The following NF1 variants were observed in gnomAD, a reference collection of about 807,000 sequenced individuals.
NF1 encodes the protein neurofibromin.
NF1 carries 122 observed loss-of-function variants against 325.7 expected under a neutral mutation model. The ratio of observed to expected loss-of-function variants is 0.37; its 90% CI spans 0.32 to 0.44. The LOEUF (loss-of-function observed/expected upper bound fraction) is 0.44. Among genes scored for constraint, NF1 ranks in the 20% least tolerant of loss-of-function variants. The pLI is 1.00. For synonymous variants in NF1, 1,091 were observed against 1,186.0 expected, an observed-to-expected ratio of 0.92 and a Z score of 1.65; for missense variants, 2,140 against 3,415.4, an observed-to-expected ratio of 0.63 and a Z score of 9.31.
At chr17:31,276,702 TG>T (rs1434466359) in intron 36 of NF1, among the ~76,000 whole-genome samples, 9 of 152,218 alleles carry the variant, frequency 5.9e-5, no homozygotes, top group Admixed American at 6.5e-5. Context: ...ACATAATACA[TG>T]ATAAGAATAG....
chr17:31,108,959 G>A (rs1913148645), intron 1 of NF1, among the ~76,000 whole-genome samples: 1 of 152,170 alleles, frequency 6.6e-6, no homozygotes, highest in Non-Finnish European at 1.5e-5. Context: ...ATGCATGAAA[G>A]TATTTTGTCT....
At chr17:31,335,853 ATTTTTTTTTT>A (rs71360768) in intron 40 of NF1, among the ~76,000 whole-genome samples, 4 of 112,800 alleles carry the variant, frequency 3.5e-5, no homozygotes, top group Non-Finnish European at 7.0e-5. Flanking sequence ...TAATTTTTGT[ATTTTTTTTTT>A]TTTTTTTTTT....
At chr17:31,137,503 C>G (rs1915863896) in intron 1 of NF1, 1 of 152,050 alleles carries the variant, frequency 6.6e-6, no homozygotes, top group Non-Finnish European at 1.5e-5. Flanking sequence ...CACATAGGGT[C>G]AAACCTGTTA....
intron 46 of NF1, among the ~76,000 whole-genome samples, chr17:31,339,397 T>C (rs17886548): frequency 1.2e-3 from 190 of 152,294 alleles, no homozygotes; most frequent in African/African-American, 4.4e-3. Context: ...ATTTAAGATA[T>C]CTGGAAATCA....
intron 36 of NF1, chr17:31,296,603 T>G (rs1271972283): frequency 2.3e-6 from 1 of 442,066 alleles, no homozygotes; most frequent in South Asian, 2.4e-5. Context: ...TCCCCCCTTT[T>G]CTAACCATAT....
At chr17:31,104,972 A>G (rs1301226930) in intron 1 of NF1, among the ~76,000 whole-genome samples, 1 of 151,916 alleles carries the variant, frequency 6.6e-6, no homozygotes, top group Non-Finnish European at 1.5e-5. Flanking sequence ...TGGTGTGATC[A>G]TAGCTCACCA....
At chr17:31,209,674 G>A (rs763742311) in intron 12 of NF1, among the ~76,000 whole-genome samples, 1 of 151,752 alleles carries the variant, frequency 6.6e-6, no homozygotes, top group Non-Finnish European at 1.5e-5. Context: ...GTCCCACTCC[G>A]AGTCCCACTC....
At chr17:31,284,230 T>TA (rs1215331517) in intron 36 of NF1, among the ~76,000 whole-genome samples, 1 of 152,112 alleles carries the variant, frequency 6.6e-6, no homozygotes, top group Non-Finnish European at 1.5e-5. Flanking sequence ...GCCTCCTGAG[T>TA]AGCTGGGATT....
intron 1 of NF1, among the ~76,000 whole-genome samples, chr17:31,100,559 T>TTTAATTTATTTAATTTA (rs1912227897): frequency 1.3e-5 from 2 of 152,144 alleles, no homozygotes; most frequent in African/African-American, 4.8e-5. Flanking sequence ...ATTATTGTTA[T>TTTAATTTATTTAATTTA]TTTAAATTTT....
At chr17:31,180,598 A>G (rs2066110445) in intron 5 of NF1, among the ~76,000 whole-genome samples, 1 of 152,212 alleles carries the variant, frequency 6.6e-6, no homozygotes, top group Non-Finnish European at 1.5e-5. Context: ...ACATATCTCA[A>G]AATAATAAGA....
chr17:31,293,212 G>A (rs368975472), intron 36 of NF1, among the ~76,000 whole-genome samples: 13,441 of 73,960 alleles, frequency 0.18, 9 homozygotes, highest in Non-Finnish European at 0.29. Context: ...AAAAAAAAAA[G>A]AAACCTACTT....
intron 1 of NF1, among the ~76,000 whole-genome samples, chr17:31,127,860 G>C (rs1915017910): frequency 6.6e-6 from 1 of 151,938 alleles, no homozygotes; most frequent in Admixed American, 6.6e-5. Flanking sequence ...TGCATCTGTT[G>C]AGGGCTTTTA....
intron 1 of NF1, among the ~76,000 whole-genome samples, chr17:31,126,667 C>T (rs960977732): frequency 1.3e-5 from 2 of 152,000 alleles, no homozygotes; most frequent in South Asian, 2.1e-4. Flanking sequence ...GTCTTGAATT[C>T]GTGAGCTCCA....
At chr17:31,160,012 G>GA (rs992456513) in intron 3 of NF1, among the ~76,000 whole-genome samples, 4 of 150,846 alleles carry the variant, frequency 2.7e-5, no homozygotes, top group Admixed American at 6.6e-5. Flanking sequence ...GTAGGGCATT[G>GA]AAAAAAAAAT....
At chr17:31,329,844 G>A (rs763424404) in intron 38 of NF1, among the ~76,000 whole-genome samples, 1 of 152,112 alleles carries the variant, frequency 6.6e-6, no homozygotes, top group Admixed American at 6.5e-5. Context: ...TGAAGGGAAG[G>A]GCCATCTGAT....
At chr17:31,221,490 T>G (rs1408220661) in intron 14 of NF1, among the ~76,000 whole-genome samples, 1 of 152,188 alleles carries the variant, frequency 6.6e-6, no homozygotes, top group Admixed American at 6.5e-5. Context: ...GCAAGCCTTC[T>G]TACTTGGGGA....
At chr17:31,151,893 T>A (rs890530795) in intron 1 of NF1, among the ~76,000 whole-genome samples, 5 of 152,158 alleles carry the variant, frequency 3.3e-5, no homozygotes, top group African/African-American at 1.2e-4. Flanking sequence ...TCTTCTTTTT[T>A]TAATTATACT....
chr17:31,352,974 T>C (rs550155794), intron 51 of NF1, among the ~76,000 whole-genome samples: 10 of 152,182 alleles, frequency 6.6e-5, no homozygotes, highest in African/African-American at 2.4e-4. Context: ...AGTGGCGCAA[T>C]CTCAGCTCAC....
intron 36 of NF1, chr17:31,296,665 G>T: frequency 1.1e-5 from 3 of 284,384 alleles, no homozygotes; most frequent in South Asian, 4.2e-5. Flanking sequence ...AGCATTCTTT[G>T]CAAATAAATA....
Sources: allele counts gnomAD v4.1 joint callset (sites outside exome capture counted in the v4.1 genomes callset), GRCh38; gene constraint gnomAD v4.1.1; transcripts MANE v1.5; gene names NCBI Gene and HGNC (gene_info 2026-07-23, HGNC 2026-07-21).